MAN2A1: variants seen among roughly 807,000 people sequenced by gnomAD.
MAN2A1 encodes mannosidase alpha class 2A member 1, also known as alpha-mannosidase 2.
MAN2A1 carries 76 observed loss-of-function variants against 142.6 expected under a neutral mutation model. That is an observed-to-expected ratio of 0.53 (90% CI 0.44 to 0.65). The LOEUF (loss-of-function observed/expected upper bound fraction) is 0.65, where lower values mean the gene tolerates loss of function less well. Among genes scored for constraint, MAN2A1 ranks in the 30% least tolerant of loss-of-function variants. The pLI, the probability that MAN2A1 is intolerant of heterozygous loss-of-function variation, is 0.00. For synonymous variants in MAN2A1, 559 were observed against 473.2 expected, an observed-to-expected ratio of 1.18 and a Z score of -2.35; for missense variants, 1,311 against 1,365.1, an observed-to-expected ratio of 0.96 and a Z score of 0.62.
chr5:109,698,154 T>C (rs750387085), intron 1 of MAN2A1, among the ~76,000 whole-genome samples: 21 of 152,186 alleles, frequency 1.4e-4, no homozygotes, highest in Non-Finnish European at 2.4e-4. Context: ...GTCTGATTGC[T>C]TGGGTTAGTT....
Position 109,822,803 on chromosome 5 carries a change from G to A in MAN2A1, c.2452-920G>A, listed in dbSNP as rs551215323. Among the ~76,000 whole-genome samples, 58 of 151,826 alleles carry A rather than the reference G, an allele frequency of 3.8e-4. No homozygotes were observed. The East Asian group carries it at 4.7e-3, about 12-fold the overall frequency. Reference sequence around the variant, plus strand: ...CGCCATTTTCCTGCCTCAGCCTCCCGAGTAGCTGGGACTACAGGCACCCGC... The same window carrying A: ...CGCCATTTTCCTGCCTCAGCCTCCCAAGTAGCTGGGACTACAGGCACCCGC... On this transcript the variant is annotated intron_variant, in intron 15 of 21. Coordinates refer to ENST00000261483, the MANE Select transcript of MAN2A1 (RefSeq NM_002372.4).
At chr5:109,716,841 T>G (rs1751468333) in intron 3 of MAN2A1, among the ~76,000 whole-genome samples, 2 of 152,142 alleles carry the variant, frequency 1.3e-5, no homozygotes. Context: ...TTCAATAGGG[T>G]GCAAAGTGAA....
Position 109,775,021 on chromosome 5 carries a change from G to A in MAN2A1, c.1374+56G>A, listed in dbSNP as rs988147956. 6 of 1,208,126 alleles carry A rather than the reference G, an allele frequency of 5.0e-6. No homozygotes were observed. The Admixed American group carries it at 1.3e-4, about 27-fold the overall frequency. 74.8% of individuals were successfully genotyped at this position (1,208,126 alleles called of 1,614,324 possible). A position where few individuals can be genotyped will look rare whatever the true frequency, so the allele number is the denominator to read the frequency against. On this transcript the variant is annotated intron_variant, in intron 8 of 21. Transcript: ENST00000261483. ...TGAAATTGAACCTTTATTATTAAAT[G>A]AGACTATAAACAGAAATCCTTAGCT... is the stretch of plus-strand genomic sequence containing the variant.
intron 7 of MAN2A1, among the ~76,000 whole-genome samples, chr5:109,772,995 G>T (rs1753189886): frequency 6.6e-6 from 1 of 152,164 alleles, no homozygotes; most frequent in South Asian, 2.1e-4. Flanking sequence ...ACCGTCACGT[G>T]ATTTGATGTT....
chr5:109,691,511 A>C (rs78094963), intron 1 of MAN2A1, among the ~76,000 whole-genome samples: 54 of 152,344 alleles, frequency 3.5e-4, no homozygotes, highest in African/African-American at 1.2e-3. Flanking sequence ...CGAGAAAGAG[A>C]AGCCTAGACG....
intron 16 of MAN2A1, among the ~76,000 whole-genome samples, chr5:109,826,995 A>G (rs1754776682): frequency 6.6e-6 from 1 of 152,244 alleles, no homozygotes; most frequent in Non-Finnish European, 1.5e-5. Context: ...TAAAATAACA[A>G]AAAATATTTA....
At chr5:109,773,947 G>A (rs1753216253) in intron 7 of MAN2A1, among the ~76,000 whole-genome samples, 1 of 152,076 alleles carries the variant, frequency 6.6e-6, no homozygotes, top group Admixed American at 6.5e-5. Context: ...TCATCCACTT[G>A]TATAATTTCA....
intron 12 of MAN2A1, among the ~76,000 whole-genome samples, chr5:109,815,467 A>T (rs981580261): frequency 6.6e-6 from 1 of 152,220 alleles, no homozygotes; most frequent in Non-Finnish European, 1.5e-5. Context: ...ATCTCAGTGA[A>T]CATAAGTAAT....
chr5:109,711,118 G>A (rs994627791), intron 1 of MAN2A1, among the ~76,000 whole-genome samples: 6 of 152,186 alleles, frequency 3.9e-5, no homozygotes, highest in Non-Finnish European at 1.5e-5. Flanking sequence ...GAGCCACCGT[G>A]CCCGGACAAA....
chr5:109,753,685 G>T (rs1169558927), intron 4 of MAN2A1, among the ~76,000 whole-genome samples: 2 of 152,108 alleles, frequency 1.3e-5, no homozygotes, highest in Admixed American at 1.3e-4. Flanking sequence ...TCTATCATAT[G>T]CTTTGTAGGA....
chr5:109,766,398 T>C (rs1434587115), intron 5 of MAN2A1, among the ~76,000 whole-genome samples: 1 of 152,232 alleles, frequency 6.6e-6, no homozygotes, highest in Admixed American at 6.5e-5. Context: ...ACAAATCTTA[T>C]GTGGTCAGTT....
At chr5:109,735,539 C>A (rs2112595124) in intron 4 of MAN2A1, among the ~76,000 whole-genome samples, 1 of 152,256 alleles carries the variant, frequency 6.6e-6, no homozygotes, top group African/African-American at 2.4e-5. Flanking sequence ...TTTAGTGCTT[C>A]CTTCAGGAGC....
At position 109,820,297 on chromosome 5, in the gene MAN2A1, A is replaced by T. The variant is rs772548387; in HGVS notation, c.2406A>T (p.Arg802Ser). Reference sequence around the variant, plus strand: ...CATGGTATGGAACCACAATTAAAAGAGACAAAAGTGGTGCCTACCTCTTCT... The same window carrying T: ...CATGGTATGGAACCACAATTAAAAGTGACAAAAGTGGTGCCTACCTCTTCT... The part of the protein sequence containing the change: ...QFSWYGTTIK[R>S]DKSGAYLFLP... The change falls in exon 15 of 22, where the codon AGA becomes AGT. Residue 802 changes from arginine to serine, a missense_variant. By Grantham distance (110) the Arg-to-Ser change is moderately radical. Around this residue, in one of 3 missense-constraint regions of MAN2A1, gnomAD observed 890 missense variants for 920.5 expected, o/e 0.97. Transcript: ENST00000261483. The T allele has an allele frequency of 1.9e-6, 3 of 1,613,146 alleles. No homozygotes were observed. In the South Asian group the frequency reaches 3.3e-5, roughly 18 times the overall value.
chr5:109,845,430 T>C (rs1561540699), intron 17 of MAN2A1, among the ~76,000 whole-genome samples: 1 of 152,154 alleles, frequency 6.6e-6, no homozygotes, highest in Non-Finnish European at 1.5e-5. Context: ...GTGGTATTTA[T>C]TAAAACCAAT....
intron 16 of MAN2A1, among the ~76,000 whole-genome samples, chr5:109,832,714 G>A (rs910924703): frequency 3.9e-5 from 6 of 152,080 alleles, no homozygotes; most frequent in East Asian, 1.9e-4. Context: ...GGTGGCGGCC[G>A]GGCAGAGGGG....
At chr5:109,762,711 C>A (rs1000937894) in intron 5 of MAN2A1, among the ~76,000 whole-genome samples, 1 of 152,152 alleles carries the variant, frequency 6.6e-6, no homozygotes, top group East Asian at 1.9e-4. Flanking sequence ...TGACTCTTAG[C>A]ATGTGATATG....
intron 1 of MAN2A1, among the ~76,000 whole-genome samples, chr5:109,711,122 G>A (rs756679106): frequency 5.9e-5 from 9 of 152,222 alleles, no homozygotes; most frequent in East Asian, 5.8e-4. Context: ...CACCGTGCCC[G>A]GACAAAATGT....
chr5:109,808,479 C>T (rs1347544445), intron 12 of MAN2A1, among the ~76,000 whole-genome samples: 2 of 151,906 alleles, frequency 1.3e-5, no homozygotes, highest in Non-Finnish European at 2.9e-5. Flanking sequence ...ATGCAACAAA[C>T]ATTTTCTTGT....
chr5:109,700,533 A>C (rs1015976), intron 1 of MAN2A1, among the ~76,000 whole-genome samples: 113,041 of 151,952 alleles, frequency 0.74, 43,243 homozygotes, highest in East Asian at 0.94. Flanking sequence ...AACATTGAAG[A>C]CTGAGAATGT....
Sources: gnomAD v4.1 joint callset for allele counts (sites outside exome capture counted in the v4.1 genomes callset) on GRCh38, gnomAD v4.1.1 for gene constraint, gnomAD v4.1.1 regional missense constraint, MANE v1.5 for transcripts, NCBI Gene and HGNC (gene_info 2026-07-23, HGNC 2026-07-21) for gene names.